MEF2A: variants seen among roughly 807,000 people sequenced by gnomAD.
The protein encoded by MEF2A is myocyte-specific enhancer factor 2A.
A neutral mutation model predicts 55.8 loss-of-function variants in MEF2A; 28 were observed. The ratio of observed to expected loss-of-function variants is 0.50; its 90% CI spans 0.37 to 0.69. MEF2A has a LOEUF of 0.69. Ranked by LOEUF, MEF2A falls within the 30% of genes least tolerant of loss-of-function variation. The pLI is 0.00. For missense variants in MEF2A, 528 were observed against 626.2 expected, an observed-to-expected ratio of 0.84 and a Z score of 1.67; for synonymous variants, 239 against 227.1, an observed-to-expected ratio of 1.05 and a Z score of -0.47.
At chr15:99,607,360 G>A (rs371972120) in intron 2 of MEF2A, among the ~76,000 whole-genome samples, 1 of 152,030 alleles carries the variant, frequency 6.6e-6, no homozygotes, top group South Asian at 2.1e-4. Flanking sequence ...TTTGTTTTAT[G>A]TATTTTTACA....
intron 4 of MEF2A, among the ~76,000 whole-genome samples, chr15:99,661,862 C>G (rs1007951480): frequency 5.3e-5 from 8 of 151,116 alleles, no homozygotes; most frequent in African/African-American, 1.9e-4. Context: ...TTTATAGATT[C>G]AAAAGATTGA....
At chr15:99,669,235 CTAG>C (rs2050390562) in intron 4 of MEF2A, among the ~76,000 whole-genome samples, 1 of 150,468 alleles carries the variant, frequency 6.6e-6, no homozygotes, top group Admixed American at 6.6e-5. Flanking sequence ...GACTAATTAA[CTAG>C]TCTTAAAATA....
In MEF2A at chr15:99,712,540, G is replaced by GCCGCCA. The variant is rs748803686; in HGVS notation, c.1290_1295dup (p.Pro432_Pro433dup). 338 of 1,547,418 alleles carry GCCGCCA rather than the reference G, an allele frequency of 2.2e-4. No individual in the cohort carries two copies. Among genetic ancestry groups the GCCGCCA allele is most frequent in the Middle Eastern group, 2.0e-3 (12 of 5,988 alleles). On this transcript the variant is annotated inframe_insertion, in exon 12 of 12. Coordinates refer to ENST00000557942, the MANE Select transcript of MEF2A (RefSeq NM_001319206.4). The surrounding 1 kb of genome is among the most constrained non-coding windows in gnomAD (Gnocchi z 4.1). ...AGCAGCAGCAGCAGCAGCAGCAGCC[G>GCCGCCA]CCGCCACCACCGCAGCCCCAGCCAC...
chr15:99,595,001 T>C (rs1289464522), intron 1 of MEF2A, among the ~76,000 whole-genome samples: 1 of 152,184 alleles, frequency 6.6e-6, no homozygotes, highest in Non-Finnish European at 1.5e-5. Context: ...ATTGCTATAG[T>C]AGGCATTCAT....
chr15:99,646,449 A>G (rs2045976122), intron 4 of MEF2A, among the ~76,000 whole-genome samples: 1 of 152,084 alleles, frequency 6.6e-6, no homozygotes, highest in Non-Finnish European at 1.5e-5. Context: ...TCACATTTTA[A>G]ATTAGCTTCA....
intron 7 of MEF2A, among the ~76,000 whole-genome samples, chr15:99,677,143 T>TAAATA (rs1555489683): frequency 1.3e-4 from 19 of 151,238 alleles, no homozygotes; most frequent in African/African-American, 3.9e-4. Context: ...AATAAATAAA[T>TAAATA]AAATAAAATA....
chr15:99,701,764 G>GA (rs1379097653), intron 8 of MEF2A, among the ~76,000 whole-genome samples: 2 of 152,162 alleles, frequency 1.3e-5, no homozygotes, highest in African/African-American at 2.4e-5. Context: ...AGGGAGCCAA[G>GA]AAAAAATGGC....
In MEF2A at chr15:99,712,834, C is replaced by T. The variant is rs538778024; in HGVS notation, c.*63C>T. 2.3e-5 allele frequency: 34 copies of T among 1,486,460 alleles called. No individual in the cohort carries two copies. In the Middle Eastern group the frequency reaches 5.4e-4, roughly 24 times the overall value. The allele number at this position is 1,486,460 out of a possible 1,614,324, so 92.1% of individuals were successfully genotyped here. A position where few individuals can be genotyped will look rare whatever the true frequency, so the allele number is the denominator to read the frequency against. ...AGTGACCTGCCCTACATATCTAAAT[C>T]GGTAAATAAGGACATGAGTTAAATA... is the stretch of plus-strand genomic sequence containing the variant. On this transcript the variant is annotated 3_prime_UTR_variant, in exon 12 of 12. Transcript: ENST00000557942. This position sits in a 1 kb window ranked among gnomAD's most constrained non-coding sequence, Gnocchi z 4.1.
Position 99,712,504 on chromosome 15 carries a change from CCAGCAG to C in MEF2A, c.1280_1285del (p.Gln427_Gln428del), listed in dbSNP as rs3138597. ...GGGATCGTATGACCCCATCGGGCTTCCAGCAGCAGCAGCAGCAGCAGCAGCAGCAGC... is the reference window on the plus strand; with the variant it reads ...GGGATCGTATGACCCCATCGGGCTTCCAGCAGCAGCAGCAGCAGCAGCAGC... On this transcript the variant is annotated inframe_deletion, in exon 12 of 12. Transcript: ENST00000557942. This position sits in a 1 kb window ranked among gnomAD's most constrained non-coding sequence, Gnocchi z 4.1. The C allele has an allele frequency of 0.31, 477,359 of 1,520,352 alleles. 55,836 individuals carry two copies. Among genetic ancestry groups the C allele is most frequent in the South Asian group, 0.37 (30,239 of 82,010 alleles). 94.2% of individuals were successfully genotyped at this position (1,520,352 alleles called of 1,614,324 possible).
Position 99,712,373 on chromosome 15 carries a change from T to C in MEF2A, c.1137-17T>C. 6.6e-7 allele frequency: 1 copy of C among 1,511,020 alleles called. No homozygotes were observed. Among genetic ancestry groups the C allele is most frequent in the Non-Finnish European group, 8.9e-7 (1 of 1,122,648 alleles). The allele number at this position is 1,511,020 out of a possible 1,614,324, so 93.6% of individuals were successfully genotyped here. A position where few individuals can be genotyped will look rare whatever the true frequency, so the allele number is the denominator to read the frequency against. ...GTACTTGCAAGCCATCTGACCTCTC[T>C]CTTTTTTTTCCTTCAGTGCTGGAGG... On this transcript the variant is annotated splice_polypyrimidine_tract_variant and intron_variant, in intron 11 of 11. Coordinates refer to ENST00000557942, the MANE Select transcript of MEF2A (RefSeq NM_001319206.4). This position sits in a 1 kb window ranked among gnomAD's most constrained non-coding sequence, Gnocchi z 4.1.
chr15:99,603,373 AT>A (rs71149481), intron 2 of MEF2A, among the ~76,000 whole-genome samples: 31,013 of 141,256 alleles, frequency 0.22, 3,460 homozygotes, highest in African/African-American at 0.31. Flanking sequence ...TGTTAGTAAA[AT>A]TTTTTTTTTT....
chr15:99,656,276 A>G (rs990912625), intron 4 of MEF2A, among the ~76,000 whole-genome samples: 1 of 152,164 alleles, frequency 6.6e-6, no homozygotes, highest in Non-Finnish European at 1.5e-5. Context: ...ATCTACTAAC[A>G]TATATTACTT....
intron 4 of MEF2A, among the ~76,000 whole-genome samples, chr15:99,652,425 T>C (rs185316093): frequency 6.6e-6 from 1 of 152,224 alleles, no homozygotes; most frequent in Non-Finnish European, 1.5e-5. Flanking sequence ...CTGTGCAACC[T>C]GGTTCCTAAC....
chr15:99,596,470 A>G (rs554224071), intron 1 of MEF2A, among the ~76,000 whole-genome samples: 1 of 152,182 alleles, frequency 6.6e-6, no homozygotes, highest in Admixed American at 6.5e-5. Context: ...TTGTTAGTAT[A>G]AAAAGAATAC....
rs776011027 is a variant in MEF2A at position 99,716,360 on chromosome 15, GT to G, written c.*3594del. 1.5e-4 allele frequency: 54 copies of G among 357,154 alleles called. No individual in the cohort carries two copies. Among genetic ancestry groups the G allele is most frequent in the Non-Finnish European group, 2.5e-4 (44 of 178,076 alleles). The allele number at this position is 357,154 out of a possible 1,614,324, so 22.1% of individuals were successfully genotyped here. ...ATCTCAATTTTTCCCTGAATGTGTT[GT>G]TTTTCTTCATTATACAATAAATATA... On this transcript the variant is annotated 3_prime_UTR_variant, in exon 12 of 12. Transcript: ENST00000557942.
intron 2 of MEF2A, among the ~76,000 whole-genome samples, chr15:99,612,924 AAAAGG>A (rs1381077331): frequency 6.6e-6 from 1 of 152,152 alleles, no homozygotes; most frequent in African/African-American, 2.4e-5. Flanking sequence ...TGAAAAAAAA[AAAAGG>A]AAAAGACCAA....
chr15:99,626,009 G>C (rs2041987769), intron 2 of MEF2A, among the ~76,000 whole-genome samples: 1 of 152,092 alleles, frequency 6.6e-6, no homozygotes, highest in South Asian at 2.1e-4. Context: ...CAGTTTTTTG[G>C]AAGAGTTTGA....
Position 99,645,561 on chromosome 15 carries a change from G to A in MEF2A, c.55G>A (p.Val19Ile). 1.9e-6 allele frequency: 3 copies of A among 1,607,402 alleles called. No individual in the cohort carries two copies. Among genetic ancestry groups the A allele is most frequent in the Admixed American group, 1.7e-5 (1 of 59,688 alleles). The change falls in exon 4 of 12, where the codon GTC becomes ATC. Residue 19 changes from valine to isoleucine, a missense_variant and splice_region_variant. Coordinates refer to ENST00000557942, the MANE Select transcript of MEF2A (RefSeq NM_001319206.4). ...AAAATATACCTTTTTTATTGTTTAG[G>A]TCACTTTTACAAAGAGAAAGTTTGG... ...TRIMDERNRQVTFTKRKFGLM... is the reference protein window; with the variant it reads ...TRIMDERNRQITFTKRKFGLM...
intron 3 of MEF2A, among the ~76,000 whole-genome samples, chr15:99,640,461 A>G (rs1360049832): frequency 6.6e-6 from 1 of 151,854 alleles, no homozygotes; most frequent in African/African-American, 2.4e-5. Context: ...TGATATAGCT[A>G]CATATTTCTT....
Sources: gnomAD v4.1 joint callset for allele counts (sites outside exome capture counted in the v4.1 genomes callset) on GRCh38, gnomAD v4.1.1 for gene constraint, Gnocchi (gnomAD v3.1) non-coding constraint, MANE v1.5 for transcripts, NCBI Gene and HGNC (gene_info 2026-07-23, HGNC 2026-07-21) for gene names.